Variants in ULK4 observed in about 807,000 individuals in gnomAD.
ULK4 encodes unc-51 like kinase 4.
ULK4 carries 133 observed loss-of-function variants against 160.6 expected under a neutral mutation model. The ratio of observed to expected loss-of-function variants is 0.83; its 90% confidence interval spans 0.72 to 0.96. The LOEUF (loss-of-function observed/expected upper bound fraction) is 0.96. Ranked by LOEUF, ULK4 falls within the 40% of genes least tolerant of loss-of-function variation. ULK4 has a pLI of 0.00. For missense variants in ULK4, 1,580 were observed against 1,499.5 expected, an observed-to-expected ratio of 1.05 and a Z score of -0.89; for synonymous variants, 534 against 539.8, an observed-to-expected ratio of 0.99 and a Z score of 0.15.
chr3:41,703,747 A>T lies in ULK4; in HGVS notation c.2781+1310T>A, dbSNP rs186212151. On this transcript the variant is annotated intron_variant, in intron 27 of 36. Coordinates refer to ENST00000301831, the MANE Select transcript of ULK4 (RefSeq NM_017886.4). ...AAATTCAAATTTCCAAATCTGTCTT[A>T]AAAAAAAACCCAAAGTAGAACTGAG... is the stretch of plus-strand genomic sequence containing the variant. Among the ~76,000 whole-genome samples, 494 of 151,332 alleles carry T rather than the reference A, an allele frequency of 3.3e-3. 2 individuals carry two copies. The highest frequency in any genetic ancestry group is 0.011 in the African/African-American group (471 of 41,278).
chr3:41,918,721 C>G (rs537132006), intron 6 of ULK4, among the ~76,000 whole-genome samples, 181 bp from the exon 7 acceptor site: 42 of 150,958 alleles, frequency 2.8e-4, no homozygotes, highest in African/African-American at 1.0e-3. Context: ...CCTGCTTCAG[C>G]CTCCCCAGCA....
At chr3:41,264,256 T>G (rs530885374) in intron 35 of ULK4, among the ~76,000 whole-genome samples, 1 of 152,270 alleles carries the variant, frequency 6.6e-6, no homozygotes, top group East Asian at 1.9e-4. Context: ...AGGAGGGACT[T>G]TGGGAATGGT....
chr3:41,552,665 C>T (rs994927695), intron 32 of ULK4, among the ~76,000 whole-genome samples: 3 of 151,908 alleles, frequency 2.0e-5, no homozygotes, highest in Non-Finnish European at 4.4e-5. Context: ...AATGATCATA[C>T]TGCCCAAAAG....
chr3:41,869,703 C>A (rs1323300604), intron 17 of ULK4, among the ~76,000 whole-genome samples: 2 of 152,116 alleles, frequency 1.3e-5, no homozygotes, highest in Non-Finnish European at 2.9e-5. Flanking sequence ...CAACTGCTGT[C>A]ATATATTTTG....
chr3:41,715,587 A>C lies in ULK4; in HGVS notation c.2456-19T>G. On this transcript the variant is annotated intron_variant, in intron 23 of 36. Transcript: ENST00000301831. Reference sequence around the variant, plus strand: ...ATGTCACCTGTGAAGCACAGCCCAGAGCATATGTGGAGGTTAAAAACCACA... The same window carrying C: ...ATGTCACCTGTGAAGCACAGCCCAGCGCATATGTGGAGGTTAAAAACCACA... 1.2e-6 allele frequency: 2 copies of C among 1,614,012 alleles called. No homozygotes were observed. The highest frequency in any genetic ancestry group is 8.5e-7 in the Non-Finnish European group (1 of 1,179,988).
In ULK4 at chr3:41,291,098, C is replaced by T. The variant is rs988653656; in HGVS notation, c.3679-41524G>A. On this transcript the variant is annotated intron_variant, in intron 35 of 36. Transcript: ENST00000301831. ...GGTTCGCGGTGATCCTTGCAAGTCC[C>T]GACTCCTTGAAAAGTTGCAGAAGCT... Among the ~76,000 whole-genome samples, 7 of 151,952 alleles carry T rather than the reference C, an allele frequency of 4.6e-5. No homozygotes were observed. The South Asian group carries it at 6.3e-4, about 14-fold the overall frequency.
At chr3:41,326,771 G>A (rs958667399) in intron 35 of ULK4, among the ~76,000 whole-genome samples, 1 of 152,142 alleles carries the variant, frequency 6.6e-6, no homozygotes, top group Admixed American at 6.6e-5. Flanking sequence ...ATTGAGAAAT[G>A]GTCTTGACAG....
intron 17 of ULK4, among the ~76,000 whole-genome samples, chr3:41,873,094 G>A (rs1345710473): frequency 2.6e-5 from 4 of 152,202 alleles, no homozygotes; most frequent in African/African-American, 9.6e-5. Flanking sequence ...AAAGGCTGCA[G>A]TGAGCCAAGA....
At chr3:41,864,192 A>T (rs1162634805) in intron 17 of ULK4, among the ~76,000 whole-genome samples, 1 of 151,860 alleles carries the variant, frequency 6.6e-6, no homozygotes, top group Non-Finnish European at 1.5e-5. Context: ...GCATCAGCTG[A>T]GTTTGGTCTT....
At chr3:41,588,894 G>A (rs888049410) in intron 31 of ULK4, among the ~76,000 whole-genome samples, 5 of 152,120 alleles carry the variant, frequency 3.3e-5, no homozygotes, top group African/African-American at 7.2e-5. Flanking sequence ...AGACTCAATC[G>A]CTATTTCCAT....
At chr3:41,736,485 G>A (rs1429353906) in intron 22 of ULK4, among the ~76,000 whole-genome samples, 1 of 151,974 alleles carries the variant, frequency 6.6e-6, no homozygotes, top group Non-Finnish European at 1.5e-5. Flanking sequence ...CTGCATAAAT[G>A]TCTTCTTTTG....
At chr3:41,336,198 C>T (rs1389387488) in intron 35 of ULK4, among the ~76,000 whole-genome samples, 1 of 152,218 alleles carries the variant, frequency 6.6e-6, no homozygotes, top group African/African-American at 2.4e-5. Context: ...GACCCCAGTT[C>T]TGCTACCAGG....
intron 35 of ULK4, among the ~76,000 whole-genome samples, chr3:41,281,591 A>T (rs1177398029): frequency 6.6e-6 from 1 of 152,178 alleles, no homozygotes; most frequent in African/African-American, 2.4e-5. Context: ...CCTTCAACAA[A>T]ATTCAACAGC....
chr3:41,724,444 G>C (rs937219605), intron 22 of ULK4, among the ~76,000 whole-genome samples: 1 of 152,114 alleles, frequency 6.6e-6, no homozygotes, highest in African/African-American at 2.4e-5. Context: ...CAGTTTTTCA[G>C]CCAGGCGCGG....
In ULK4 at chr3:41,418,807, G is replaced by C. The variant is rs987509083; in HGVS notation, c.3493-20543C>G. 1.8e-4 allele frequency among the ~76,000 whole-genome samples: 27 copies of C among 152,234 alleles called. 1 individual carries two copies. Among genetic ancestry groups the C allele is most frequent in the Admixed American group, 1.8e-3 (27 of 15,282 alleles). On this transcript the variant is annotated intron_variant, in intron 34 of 36. Transcript: ENST00000301831. ...GCATTGTCCTGATGCTAAAGGAACA[G>C]GTGGACCACACAGGTGAAGCCCCTC... is the stretch of plus-strand genomic sequence containing the variant.
intron 34 of ULK4, among the ~76,000 whole-genome samples, chr3:41,434,771 AT>A (rs1250081846): frequency 8.5e-5 from 13 of 152,280 alleles, no homozygotes; most frequent in African/African-American, 3.1e-4. Context: ...GCATATAAAT[AT>A]ATTTTTTATT....
chr3:41,824,982 C>A (rs1250266042), intron 18 of ULK4, among the ~76,000 whole-genome samples: 2 of 152,184 alleles, frequency 1.3e-5, no homozygotes, highest in African/African-American at 4.8e-5. Flanking sequence ...GAGGAACAAT[C>A]GGGCAGCAAC....
chr3:41,959,746 G>A (rs543333803), intron 1 of ULK4, among the ~76,000 whole-genome samples: 2 of 151,318 alleles, frequency 1.3e-5, no homozygotes, highest in African/African-American at 4.9e-5. Flanking sequence ...GACCAGCCTG[G>A]GCAACATGGT....
At chr3:41,472,776 C>G (rs920044697) in intron 32 of ULK4, among the ~76,000 whole-genome samples, 1 of 152,026 alleles carries the variant, frequency 6.6e-6, no homozygotes, top group African/African-American at 2.4e-5. Context: ...TTTTTATGAG[C>G]CCAGCATTAC....
Sources: allele counts gnomAD v4.1 joint callset (sites outside exome capture counted in the v4.1 genomes callset), GRCh38; gene constraint gnomAD v4.1.1; transcripts MANE v1.5; gene names NCBI Gene and HGNC (gene_info 2026-07-23, HGNC 2026-07-21).